PPP2R2B: variants seen among roughly 807,000 people sequenced by gnomAD.
PPP2R2B encodes protein phosphatase 2 regulatory subunit Bbeta.
A neutral mutation model predicts 46.0 loss-of-function variants in PPP2R2B; 5 were observed. That is an observed-to-expected ratio of 0.11 (90% CI 0.06 to 0.23). PPP2R2B has a LOEUF of 0.23. Among genes scored for constraint, PPP2R2B ranks in the 10% least tolerant of loss-of-function variants. The pLI, the probability that PPP2R2B is intolerant of heterozygous loss-of-function variation, is 1.00. For synonymous variants in PPP2R2B, 215 were observed against 206.7 expected (o/e 1.04, Z -0.34); for missense variants, 367 against 575.0 (o/e 0.64, Z 3.70).
chr5:147,015,331 G>A (rs1754953107), intron 1 of PPP2R2B, among the ~76,000 whole-genome samples: 1 of 151,624 alleles, frequency 6.6e-6, no homozygotes, highest in South Asian at 2.1e-4. Context: ...TTGGAACAAT[G>A]TGAACCTCCT....
intron 2 of PPP2R2B, among the ~76,000 whole-genome samples, chr5:146,867,094 G>A (rs1761355435): frequency 6.6e-6 from 1 of 152,136 alleles, no homozygotes; most frequent in South Asian, 2.1e-4. Context: ...GTTAAAAGGA[G>A]GATGATTGTT....
chr5:147,025,866 G>T (rs1755504531), intron 1 of PPP2R2B, among the ~76,000 whole-genome samples: 1 of 151,912 alleles, frequency 6.6e-6, no homozygotes, highest in African/African-American at 2.4e-5. Context: ...AAGCAAATAA[G>T]AACATAAAAA....
chr5:147,070,667 T>C (rs1402382419), intron 2 of PPP2R2B, among the ~76,000 whole-genome samples: 2 of 152,178 alleles, frequency 1.3e-5, no homozygotes, highest in African/African-American at 2.4e-5. Context: ...CCCACCACCC[T>C]TGGCACAGTG....
At chr5:147,000,162 C>T (rs1754102660) in intron 1 of PPP2R2B, among the ~76,000 whole-genome samples, 1 of 152,168 alleles carries the variant, frequency 6.6e-6, no homozygotes, top group South Asian at 2.1e-4. Context: ...CTATTTATCA[C>T]AAACTTTTGC....
At chr5:146,910,788 A>T (rs1054583729) in intron 1 of PPP2R2B, among the ~76,000 whole-genome samples, 14 of 152,328 alleles carry the variant, frequency 9.2e-5, no homozygotes, top group African/African-American at 3.4e-4. Context: ...TCATATTTTT[A>T]AAAAGAATAT....
chr5:147,059,936 G>T (rs753927081), upstream of PPP2R2B, among the ~76,000 whole-genome samples: 17 of 152,090 alleles, frequency 1.1e-4, no homozygotes, highest in Non-Finnish European at 2.1e-4. Context: ...TTACAGAAAA[G>T]TTACCCTGAT....
intron 2 of PPP2R2B, among the ~76,000 whole-genome samples, chr5:146,842,887 T>A (rs779202718): frequency 6.6e-6 from 1 of 152,222 alleles, no homozygotes; most frequent in African/African-American, 2.4e-5. Flanking sequence ...GTTTTTTTTC[T>A]GTTCTAATAC....
chr5:146,903,962 A>T (rs905706726), intron 1 of PPP2R2B, among the ~76,000 whole-genome samples: 1 of 152,174 alleles, frequency 6.6e-6, no homozygotes, highest in Non-Finnish European at 1.5e-5. Context: ...TAACATAATG[A>T]TCATTATATT....
chr5:146,781,131 G>GAGATATATATATATAT (rs1755486703), intron 2 of PPP2R2B, among the ~76,000 whole-genome samples: 1 of 49,474 alleles, frequency 2.0e-5, no homozygotes, highest in Non-Finnish European at 4.4e-5. Context: ...ATGCCACCAT[G>GAGATATATATATATAT]ATATATATAT....
At chr5:146,725,720 C>A (rs921253666) in intron 2 of PPP2R2B, among the ~76,000 whole-genome samples, 2 of 152,210 alleles carry the variant, frequency 1.3e-5, no homozygotes, top group Non-Finnish European at 2.9e-5. Context: ...AACTGGCCTT[C>A]TTTCACTTGT....
At chr5:146,999,552 G>A (rs902241316) in intron 1 of PPP2R2B, among the ~76,000 whole-genome samples, 16 of 152,178 alleles carry the variant, frequency 1.1e-4, no homozygotes, top group Non-Finnish European at 2.1e-4. Flanking sequence ...ATGCCACTAA[G>A]GTTGGAAATC....
intron 2 of PPP2R2B, among the ~76,000 whole-genome samples, chr5:146,862,839 A>G (rs1761085639): frequency 1.4e-5 from 2 of 147,262 alleles, no homozygotes; most frequent in East Asian, 4.1e-4. Flanking sequence ...CTCAAAGGCA[A>G]CCTGCTTGTC....
At chr5:147,070,006 G>C (rs1757539442) in intron 2 of PPP2R2B, among the ~76,000 whole-genome samples, 1 of 151,882 alleles carries the variant, frequency 6.6e-6, no homozygotes, top group African/African-American at 2.4e-5. Flanking sequence ...AGTCAGGCTG[G>C]TCTCAAACTC....
chr5:146,955,774 C>CTTTTT (rs5872000), intron 1 of PPP2R2B, among the ~76,000 whole-genome samples: 2 of 115,656 alleles, frequency 1.7e-5, no homozygotes, highest in Admixed American at 9.8e-5. Flanking sequence ...CTTTCTATTA[C>CTTTTT]TTTTTTTTTT....
rs537295202 is a variant in PPP2R2B at position 146,661,005 on chromosome 5, TCTAA to T, written c.448-10285_448-10282del. The stretch of plus-strand genomic sequence containing the variant: ...TTTCATGAGAGAAAGAAATAGGGGC[TCTAA>T]CTTAGACTGAGGAATCAGATAAGTT... On this transcript the variant is annotated intron_variant, in intron 5 of 9. Coordinates refer to ENST00000394411, the MANE Select transcript of PPP2R2B (RefSeq NM_181675.4). Among the ~76,000 whole-genome samples the T allele has an allele frequency of 1.5e-4, 23 of 152,346 alleles. No individual in the cohort carries two copies. The East Asian group carries it at 3.9e-3, about 26-fold the overall frequency.
At chr5:146,860,212 C>T (rs1333369460) in intron 2 of PPP2R2B, among the ~76,000 whole-genome samples, 3 of 152,116 alleles carry the variant, frequency 2.0e-5, no homozygotes, top group South Asian at 2.1e-4. Flanking sequence ...AAACAAAAGC[C>T]ATCATGCTAT....
rs183687786 is a variant in PPP2R2B at position 146,625,383 on chromosome 5, G to T, written c.790+12868C>A. Among the ~76,000 whole-genome samples the T allele has an allele frequency of 3.2e-3, 491 of 152,264 alleles. 4 individuals are homozygous for T. The highest frequency in any genetic ancestry group is 0.011 in the African/African-American group (471 of 41,550). On this transcript the variant is annotated intron_variant, in intron 7 of 9. Transcript: ENST00000394411. ...AACAGTGGGTCAACTACTCTTTACT[G>T]TTGGCTTTTACATATGTGTAAAGAG...
intron 1 of PPP2R2B, chr5:147,035,336 G>C (rs1755985498): frequency 6.5e-6 from 2 of 306,538 alleles, no homozygotes; most frequent in African/African-American, 2.3e-5. Context: ...CACGAGAACA[G>C]CAAGGGGGAA....
At chr5:147,049,517 G>C (rs991779641) in intron 1 of PPP2R2B, among the ~76,000 whole-genome samples, 152 of 152,270 alleles carry the variant, frequency 1.0e-3, no homozygotes, top group African/African-American at 3.6e-3. Flanking sequence ...TTAAATCAAT[G>C]ATATATAAGC....
Sources: gnomAD v4.1 joint callset for allele counts (sites outside exome capture counted in the v4.1 genomes callset) on GRCh38, gnomAD v4.1.1 for gene constraint, MANE v1.5 for transcripts, NCBI Gene and HGNC (gene_info 2026-07-23, HGNC 2026-07-21) for gene names.